The following MELTF variants were observed in gnomAD, a reference collection of about 807,000 sequenced individuals.
The protein encoded by MELTF is antigen p97 (melanoma associated) identified by monoclonal antibodies 133.2 and 96.5.
MELTF carries 67 observed loss-of-function variants against 83.7 expected under a neutral mutation model. That is an observed-to-expected ratio of 0.80 (90% CI 0.66 to 0.98). MELTF has a LOEUF of 0.98. MELTF is among the 50% of genes least tolerant of loss of function. The pLI, the probability that MELTF is intolerant of heterozygous loss-of-function variation, is 0.00. For synonymous variants in MELTF, 462 were observed against 447.6 expected (o/e 1.03, Z -0.41); for missense variants, 1,002 against 1,035.6 (o/e 0.97, Z 0.44).
At position 197,006,520 on chromosome 3, in the gene MELTF, C is replaced by G. The variant is rs762265954; in HGVS notation, c.1938+29G>C. 6.2e-7 allele frequency: 1 copy of G among 1,602,056 alleles called. No individual in the cohort carries two copies. ...CTCAGCTTACCTCTGCTGCACACCCCTCAATGAGGTAGCCCCACCCTGGCT... is the reference window on the plus strand; with the variant it reads ...CTCAGCTTACCTCTGCTGCACACCCGTCAATGAGGTAGCCCCACCCTGGCT... On this transcript the variant is annotated intron_variant, in intron 14 of 15. Transcript: ENST00000296350. This position sits in a 1 kb window ranked among gnomAD's most constrained non-coding sequence, Gnocchi z 5.4.
rs183142615 is a variant in MELTF, at chr3:197,017,652, C to A, written c.713-362G>T. Among the ~76,000 whole-genome samples the A allele has an allele frequency of 1.2e-3, 188 of 151,940 alleles. 1 individual carries two copies. Among genetic ancestry groups the A allele is most frequent in the African/African-American group, 4.3e-3 (179 of 41,450 alleles). ...CAGCACTTTGGGAGGCCGAGGTGGG[C>A]GGATCACGAGGTCAGGAGATCAAGA... On this transcript the variant is annotated intron_variant, in intron 6 of 15. Coordinates refer to ENST00000296350, the MANE Select transcript of MELTF (RefSeq NM_005929.6).
At chr3:197,009,299 G>A (rs1719095077) in intron 11 of MELTF, among the ~76,000 whole-genome samples, 1 of 152,112 alleles carries the variant, frequency 6.6e-6, no homozygotes, top group South Asian at 2.1e-4. Flanking sequence ...CAACCCTAGT[G>A]CCCTCTGTGT....
At chr3:197,023,534 G>A (rs1032558126) in intron 4 of MELTF, among the ~76,000 whole-genome samples, 2 of 152,202 alleles carry the variant, frequency 1.3e-5, no homozygotes, top group African/African-American at 2.4e-5. Context: ...GCACACGCCC[G>A]GCGGCCAGCC....
At position 197,029,384 on chromosome 3, in the gene MELTF, C is replaced by T; in HGVS notation, c.49+270G>A. ...CTCCTCTCCACACCCCGAGGCCTCC[C>T]CACCACGCCTCAGCCCGCGCTTCTC... On this transcript the variant is annotated intron_variant, in intron 1 of 15. Coordinates refer to ENST00000296350, the MANE Select transcript of MELTF (RefSeq NM_005929.6). The surrounding 1 kb of genome is among the most constrained non-coding windows in gnomAD (Gnocchi z 6.5). 2.7e-6 allele frequency: 1 copy of T among 370,910 alleles called. No homozygotes were observed. The highest frequency in any genetic ancestry group is 4.8e-6 in the Non-Finnish European group (1 of 208,672). The allele number at this position is 370,910 out of a possible 1,614,324, so 23.0% of individuals were successfully genotyped here.
rs558311933 is a variant in MELTF at position 197,001,948 on chromosome 3, A to G, written c.*1424T>C. 47 of 152,256 alleles carry G rather than the reference A, an allele frequency of 3.1e-4. No homozygotes were observed. Among genetic ancestry groups the G allele is most frequent in the African/African-American group, 1.1e-3 (47 of 41,534 alleles). The allele number at this position is 152,256 out of a possible 1,614,324, so 9.4% of individuals were successfully genotyped here. ...TTAGCCACACAGAAACACACTTCTCACCGCACAAAACTCCCTTTTGAAAAA... is the reference window on the plus strand; with the variant it reads ...TTAGCCACACAGAAACACACTTCTCGCCGCACAAAACTCCCTTTTGAAAAA... On this transcript the variant is annotated 3_prime_UTR_variant, in exon 16 of 16. Transcript: ENST00000296350.
intron 3 of MELTF, 123 bp downstream of exon 3, chr3:197,026,537 G>C: frequency 1.2e-6 from 1 of 802,956 alleles, no homozygotes; most frequent in Non-Finnish European, 2.1e-6. Context: ...TCTTCTGGCT[G>C]GGACTCCAGG....
At position 197,008,331 on chromosome 3, in the gene MELTF, C is replaced by T. The variant is rs1342963960; in HGVS notation, c.1750+326G>A. 6.6e-6 allele frequency among the ~76,000 whole-genome samples: 1 copy of T among 152,144 alleles called. No homozygotes were observed. The highest frequency in any genetic ancestry group is 1.5e-5 in the Non-Finnish European group (1 of 68,016). ...GTGGAGAGGCTCATGCCACTCCCAC[C>T]TCACACCTTGGCACTACATCAATAC... On this transcript the variant is annotated intron_variant, in intron 13 of 15. Transcript: ENST00000296350. This position sits in a 1 kb window ranked among gnomAD's most constrained non-coding sequence, Gnocchi z 5.4.
chr3:197,010,917 G>T, intron 9 of MELTF, 123 bp from the exon 10 acceptor site: 1 of 795,042 alleles, frequency 1.3e-6, no homozygotes, highest in Non-Finnish European at 2.1e-6. Context: ...TCCTTCCCCT[G>T]GGGAATGTGG....
chr3:197,020,662 T>TG (rs1297211933), intron 6 of MELTF, among the ~76,000 whole-genome samples: 2 of 151,792 alleles, frequency 1.3e-5, no homozygotes, highest in Admixed American at 6.6e-5. Context: ...CCAGTCTTTG[T>TG]GGGTTTTTTT....
intron 14 of MELTF, chr3:197,004,333 CTGCGG>C (rs1718900267): frequency 1.8e-6 from 1 of 560,352 alleles, no homozygotes; most frequent in African/African-American, 1.9e-5. Flanking sequence ...TTCAGAAGCA[CTGCGG>C]TGCTCCAGCT....
Position 197,009,606 on chromosome 3 carries a change from A to G in MELTF, c.1525+12T>C, listed in dbSNP as rs1029510918. 4 of 1,587,338 alleles carry G rather than the reference A, an allele frequency of 2.5e-6. No homozygotes were observed. The highest frequency in any genetic ancestry group is 2.6e-6 in the Non-Finnish European group (3 of 1,159,584). On this transcript the variant is annotated intron_variant, in intron 11 of 15. Coordinates refer to ENST00000296350, the MANE Select transcript of MELTF (RefSeq NM_005929.6). ...GCTTCCCCAGTCTGCGTTCCTAAAA[A>G]GGGGGGGGTACCTGTGAGGACGTCA...
At position 197,016,171 on chromosome 3, in the gene MELTF, G is replaced by A. The variant is rs976195767; in HGVS notation, c.1081+18C>T. On this transcript the variant is annotated intron_variant, in intron 8 of 15. Coordinates refer to ENST00000296350, the MANE Select transcript of MELTF (RefSeq NM_005929.6). ...GAGCTGGGCTGGAGCTGGCAGCAGT[G>A]GGGACAGGTGGACTTACGGTTGGGG... 6.0e-6 allele frequency: 9 copies of A among 1,494,438 alleles called. No individual in the cohort carries two copies. Among genetic ancestry groups the A allele is most frequent in the Non-Finnish European group, 6.3e-6 (7 of 1,117,572 alleles). The allele number at this position is 1,494,438 out of a possible 1,614,324, so 92.6% of individuals were successfully genotyped here. A position where few individuals can be genotyped will look rare whatever the true frequency, so the allele number is the denominator to read the frequency against.
rs924139100 is a variant in MELTF at position 197,007,772 on chromosome 3, G to A, written c.1750+885C>T. ...GACCCCCATAGGAGGCAAGATCCAA[G>A]TTTTGAAACACTAACTGAGGTTTTC... is the stretch of plus-strand genomic sequence containing the variant. On this transcript the variant is annotated intron_variant, in intron 13 of 15. Transcript: ENST00000296350. This position sits in a 1 kb window ranked among gnomAD's most constrained non-coding sequence, Gnocchi z 4.3. Among the ~76,000 whole-genome samples the A allele has an allele frequency of 5.3e-5, 8 of 152,220 alleles. No homozygotes were observed. The highest frequency in any genetic ancestry group is 1.9e-4 in the African/African-American group (8 of 41,454).
chr3:197,027,851 C>T lies in MELTF; in HGVS notation c.109G>A (p.Gly37Ser), dbSNP rs746867411. Residue 37 changes from glycine (G) to serine (S), a missense_variant, in exon 2 of 16, where the codon GGC becomes AGC. Transcript: ENST00000296350. ...TCCCGGAAGGCCTCGCTCATGTTGCCGCACTTGTGCTGCTCTGGGTCCGAG... is the reference window on the plus strand; with the variant it reads ...TCCCGGAAGGCCTCGCTCATGTTGCTGCACTTGTGCTGCTCTGGGTCCGAG... ...ATSDPEQHKC[G>S]NMSEAFREAG... 40 of 1,610,894 alleles carry T rather than the reference C, an allele frequency of 2.5e-5. No homozygotes were observed. The South Asian group carries it at 2.9e-4, about 12-fold the overall frequency.
intron 7 of MELTF, 47 bp downstream of exon 7, chr3:197,017,056 G>A (rs1368304642): frequency 1.5e-5 from 23 of 1,583,676 alleles, no homozygotes; most frequent in Non-Finnish European, 1.8e-5. Flanking sequence ...ACAAGGCCCG[G>A]CACCATCTAG....
chr3:197,026,918 C>A (rs930043022), intron 2 of MELTF, 159 bp from the exon 3 acceptor site: 2 of 589,276 alleles, frequency 3.4e-6, no homozygotes, highest in Non-Finnish European at 3.0e-6. Flanking sequence ...CCAGGGCTCT[C>A]CCCCTTTCCC....
chr3:197,019,105 T>G, intron 6 of MELTF: 1 of 985,804 alleles, frequency 1.0e-6, no homozygotes, highest in Non-Finnish European at 1.2e-6. Flanking sequence ...AGAGTGATCG[T>G]TTAGGAAAAC....
At chr3:197,023,171 C>A (rs183859882) in intron 4 of MELTF, 58 bp from the exon 5 acceptor site, 8 of 1,575,794 alleles carry the variant, frequency 5.1e-6, no homozygotes, top group Non-Finnish European at 7.0e-6. Context: ...CCAAGCCAAG[C>A]CCCCAGGGTC....
chr3:197,027,654 G>A, intron 2 of MELTF, 102 bp downstream of exon 2: 1 of 1,386,002 alleles, frequency 7.2e-7, no homozygotes, highest in Non-Finnish European at 9.7e-7. Context: ...GGCCGGGCCT[G>A]GCAGGGCGAG....
Sources: allele counts gnomAD v4.1 joint callset (sites outside exome capture counted in the v4.1 genomes callset), GRCh38; gene constraint gnomAD v4.1.1; non-coding constraint Gnocchi (gnomAD v3.1); transcripts MANE v1.5; gene names NCBI Gene and HGNC (gene_info 2026-07-23, HGNC 2026-07-21).